KCNQ1: variants seen among roughly 807,000 people sequenced by gnomAD.
The protein encoded by KCNQ1 is potassium voltage-gated channel subfamily Q member 1.
Under a neutral mutation model 72.4 loss-of-function variants are expected in KCNQ1, and 49 were observed. The observed-to-expected ratio is 0.68, with a 90% confidence interval of 0.54 to 0.86. The LOEUF (loss-of-function observed/expected upper bound fraction) is 0.86. KCNQ1 is among the 40% of genes least tolerant of loss of function. The pLI, the probability that KCNQ1 is intolerant of heterozygous loss-of-function variation, is 0.00. For missense variants in KCNQ1, 790 were observed against 945.1 expected, an observed-to-expected ratio of 0.84 and a Z score of 2.15; for synonymous variants, 450 against 412.6, an observed-to-expected ratio of 1.09 and a Z score of -1.10.
chr11:2,462,017 G>C lies in KCNQ1; in HGVS notation c.386+16533G>C, dbSNP rs1406205965. The C allele has an allele frequency of 2.9e-6, 1 of 346,168 alleles. No individual in the cohort carries two copies. Among genetic ancestry groups the C allele is most frequent in the Non-Finnish European group, 5.8e-6 (1 of 173,110 alleles). 21.4% of individuals were successfully genotyped at this position (346,168 alleles called of 1,614,324 possible). On this transcript the variant is annotated intron_variant, in intron 1 of 15. Transcript: ENST00000155840. The surrounding 1 kb of genome is among the most constrained non-coding windows in gnomAD (Gnocchi z 8.2). ...AGCCAGCCTAGTCCCAATACAGCTG[G>C]GATGCATTGCTGCTCCTTCCGCCAT...
In KCNQ1 at chr11:2,687,337, AG is replaced by A. The variant is rs1460297185; in HGVS notation, c.1514+25258del. 5.0e-6 allele frequency: 2 copies of A among 398,536 alleles called. No individual in the cohort carries two copies. Among genetic ancestry groups the A allele is most frequent in the Non-Finnish European group, 8.8e-6 (2 of 226,102 alleles). 24.7% of individuals were successfully genotyped at this position (398,536 alleles called of 1,614,324 possible). On this transcript the variant is annotated intron_variant, in intron 11 of 15. Transcript: ENST00000155840. The surrounding 1 kb of genome is among the most constrained non-coding windows in gnomAD (Gnocchi z 5.0). ...GCTCTGGCTGAGGGCTGTGAGCCAG[AG>A]GCTGAGGTAGCCAGGTCTGCCTTGG... is the stretch of plus-strand genomic sequence containing the variant.
chr11:2,458,670 TGG>T lies in KCNQ1; in HGVS notation c.386+13187_386+13188del, dbSNP rs1846230628. Among the ~76,000 whole-genome samples, 1 of 108,962 alleles carries T rather than the reference TGG, an allele frequency of 9.2e-6. No homozygotes were observed. The highest frequency in any genetic ancestry group is 3.9e-5 in the African/African-American group (1 of 25,580). The allele number at this position is 108,962 out of a possible 152,430, so 71.5% of individuals were successfully genotyped here. The stretch of plus-strand genomic sequence containing the variant: ...ATGGATGGATGGATGGATGGATGGA[TGG>T]ATGGATGGATGGATCGATCGATCTC... On this transcript the variant is annotated intron_variant, in intron 1 of 15. Coordinates refer to ENST00000155840, the MANE Select transcript of KCNQ1 (RefSeq NM_000218.3). This position sits in a 1 kb window ranked among gnomAD's most constrained non-coding sequence, Gnocchi z 4.6.
At position 2,748,065 on chromosome 11, in the gene KCNQ1, C is replaced by A. The variant is rs192774459; in HGVS notation, c.1515-20779C>A. Among the ~76,000 whole-genome samples the A allele has an allele frequency of 6.6e-6, 1 of 152,168 alleles. No homozygotes were observed. The highest frequency in any genetic ancestry group is 2.4e-5 in the African/African-American group (1 of 41,434). ...ATATCTGATTTTCAGAAAACCATGG[C>A]TCACCCACACTCTACCCTAGGAAAG... On this transcript the variant is annotated intron_variant, in intron 11 of 15. Transcript: ENST00000155840. This position sits in a 1 kb window ranked among gnomAD's most constrained non-coding sequence, Gnocchi z 6.2.
In KCNQ1 at chr11:2,570,663, C is replaced by A. The variant is rs139042529; in HGVS notation, c.513C>A (p.Tyr171Ter). ...IVLVVFFGTEYVVRLWSAGCR... is the reference protein window; with the variant it reads ...IVLVVFFGTE ...TGGTGGTGTTCTTCGGGACGGAGTA[C>A]GTGGTCCGCCTCTGGTCCGCCGGCT... The change falls in exon 3 of 16, where the codon TAC (tyrosine) becomes TAA (stop). Residue 171 changes from tyrosine (Y) to a stop codon, truncating the protein, a stop_gained. Transcript: ENST00000155840. LOFTEE classifies it high-confidence loss of function. 6.2e-7 allele frequency: 1 copy of A among 1,612,624 alleles called. No homozygotes were observed. Among genetic ancestry groups the A allele is most frequent in the Non-Finnish European group, 8.5e-7 (1 of 1,179,992 alleles).
At chr11:2,452,767 G>A (rs1316555600) in intron 1 of KCNQ1, among the ~76,000 whole-genome samples, 1 of 152,178 alleles carries the variant, frequency 6.6e-6, no homozygotes, top group East Asian at 1.9e-4. Context: ...GATCACCAAT[G>A]GAACAGCTTT....
intron 11 of KCNQ1, among the ~76,000 whole-genome samples, chr11:2,733,419 G>T (rs1378990907): frequency 6.6e-6 from 1 of 152,060 alleles, no homozygotes; most frequent in Non-Finnish European, 1.5e-5. Context: ...TTCCAGACAG[G>T]CTGGCCCAGG....
chr11:2,641,387 T>A (rs1589999283), intron 10 of KCNQ1: 1 of 398,110 alleles, frequency 2.5e-6, no homozygotes, highest in African/African-American at 2.1e-5. Context: ...TAATTACTGA[T>A]GTTGGGCTTT....
intron 2 of KCNQ1, among the ~76,000 whole-genome samples, chr11:2,558,645 G>A (rs775466305): frequency 4.6e-5 from 7 of 152,320 alleles, no homozygotes; most frequent in Middle Eastern, 6.8e-3. Context: ...CCCCCACCCC[G>A]CCGGCTTGCG....
rs373607624 is a variant in KCNQ1, at chr11:2,544,344, A to G, written c.477+16326A>G. On this transcript the variant is annotated intron_variant, in intron 2 of 15. Transcript: ENST00000155840. The surrounding 1 kb of genome is among the most constrained non-coding windows in gnomAD (Gnocchi z 4.4). The stretch of plus-strand genomic sequence containing the variant: ...TCTATGTATATATATGTGTATGTAT[A>G]TGTATATATATGTGTATATATATGT... Among the ~76,000 whole-genome samples, 2 of 145,932 alleles carry G rather than the reference A, an allele frequency of 1.4e-5. No homozygotes were observed. The highest frequency in any genetic ancestry group is 3.0e-5 in the Non-Finnish European group (2 of 67,118).
chr11:2,522,872 G>A (rs976042726), intron 1 of KCNQ1, among the ~76,000 whole-genome samples: 2 of 152,012 alleles, frequency 1.3e-5, no homozygotes, highest in African/African-American at 2.4e-5. Flanking sequence ...TGGGGTGGAC[G>A]CCCACTTGGG....
chr11:2,715,500 G>A lies in KCNQ1; in HGVS notation c.1515-53344G>A, dbSNP rs1425784601. Among the ~76,000 whole-genome samples the A allele has an allele frequency of 6.6e-6, 1 of 152,100 alleles. No homozygotes were observed. The highest frequency in any genetic ancestry group is 1.5e-5 in the Non-Finnish European group (1 of 67,984). The stretch of plus-strand genomic sequence containing the variant: ...AGGGGCATGTGTGAAGGCCCAGGGG[G>A]AAGAGAGCAGCCAGGTAGACTTCGT... On this transcript the variant is annotated intron_variant, in intron 11 of 15. Coordinates refer to ENST00000155840, the MANE Select transcript of KCNQ1 (RefSeq NM_000218.3). The surrounding 1 kb of genome is among the most constrained non-coding windows in gnomAD (Gnocchi z 4.9).
intron 10 of KCNQ1, among the ~76,000 whole-genome samples, chr11:2,594,722 T>C (rs1564828290): frequency 6.6e-6 from 1 of 152,220 alleles, no homozygotes; most frequent in Admixed American, 6.5e-5. Flanking sequence ...AATCCTTGTA[T>C]GGGGGTTTAA....
At position 2,699,360 on chromosome 11, in the gene KCNQ1, C is replaced by T. The variant is rs529289620; in HGVS notation, c.1514+37279C>T. 2.0e-5 allele frequency: 8 copies of T among 399,298 alleles called. No individual in the cohort carries two copies. In the Admixed American group the frequency reaches 2.2e-4, roughly 11 times the overall value. 24.7% of individuals were successfully genotyped at this position (399,298 alleles called of 1,614,324 possible). Reference sequence around the variant, plus strand: ...ACGCCAGTGATCACCCGTCCCGCGCCGTCCGCCCAGGTCCGTGCTGACCGT... The same window carrying T: ...ACGCCAGTGATCACCCGTCCCGCGCTGTCCGCCCAGGTCCGTGCTGACCGT... On this transcript the variant is annotated intron_variant, in intron 11 of 15. Coordinates refer to ENST00000155840, the MANE Select transcript of KCNQ1 (RefSeq NM_000218.3).
chr11:2,764,953 T>C lies in KCNQ1; in HGVS notation c.1515-3891T>C, dbSNP rs889190605. On this transcript the variant is annotated intron_variant, in intron 11 of 15. Coordinates refer to ENST00000155840, the MANE Select transcript of KCNQ1 (RefSeq NM_000218.3). The surrounding 1 kb of genome is among the most constrained non-coding windows in gnomAD (Gnocchi z 4.8). ...CTCTTCTGAGAACCAAATTTTGGCT[T>C]TGTTGATTTTCCTTAAATAATGTTC... is the stretch of plus-strand genomic sequence containing the variant. Among the ~76,000 whole-genome samples the C allele has an allele frequency of 6.6e-6, 1 of 152,166 alleles. No individual in the cohort carries two copies. Among genetic ancestry groups the C allele is most frequent in the East Asian group, 1.9e-4 (1 of 5,188 alleles).
chr11:2,629,045 A>G (rs11023545), intron 10 of KCNQ1: 32,698 of 398,080 alleles, frequency 0.082, 1,425 homozygotes, highest in South Asian at 0.16. Context: ...CTTTGTTCTT[A>G]TTGCTCAAGT....
intron 6 of KCNQ1, among the ~76,000 whole-genome samples, chr11:2,576,506 A>G (rs1489249009): frequency 6.6e-6 from 1 of 152,200 alleles, no homozygotes; most frequent in Non-Finnish European, 1.5e-5. Flanking sequence ...GTCTCTACAA[A>G]CAGGAGGCTG....
At position 2,547,423 on chromosome 11, in the gene KCNQ1, G is replaced by C. The variant is rs1409375782; in HGVS notation, c.477+19405G>C. Among the ~76,000 whole-genome samples the C allele has an allele frequency of 6.6e-6, 1 of 151,840 alleles. No homozygotes were observed. The highest frequency in any genetic ancestry group is 1.9e-4 in the East Asian group (1 of 5,168). On this transcript the variant is annotated intron_variant, in intron 2 of 15. Coordinates refer to ENST00000155840, the MANE Select transcript of KCNQ1 (RefSeq NM_000218.3). The surrounding 1 kb of genome is among the most constrained non-coding windows in gnomAD (Gnocchi z 4.2). ...TTTTTTTTGTATTATTAGTAGAGAC[G>C]GCGTTTCACCATTTTGGCCAGGCTG...
At chr11:2,571,923 G>C (rs1321043860) in intron 4 of KCNQ1, 90 bp from the exon 5 acceptor site, 1 of 1,056,876 alleles carries the variant, frequency 9.5e-7, no homozygotes, top group African/African-American at 1.6e-5. Flanking sequence ...GGCAGGGGCA[G>C]GGACACCCAT....
At chr11:2,675,980 T>G in intron 11 of KCNQ1, 1 of 398,576 alleles carries the variant, frequency 2.5e-6, no homozygotes, top group Non-Finnish European at 4.4e-6. Flanking sequence ...AAAATAACAC[T>G]CTCCCCACCC....
Sources: allele counts gnomAD v4.1 joint callset (sites outside exome capture counted in the v4.1 genomes callset), GRCh38; gene constraint gnomAD v4.1.1; non-coding constraint Gnocchi (gnomAD v3.1); transcripts MANE v1.5; gene names NCBI Gene and HGNC (gene_info 2026-07-23, HGNC 2026-07-21).